Variants in ERC2 observed in about 807,000 individuals in gnomAD.
ERC2 encodes the protein ELKS/RAB6-interacting/CAST family member 2.
ERC2 carries 42 observed loss-of-function variants against 114.8 expected under a neutral mutation model. That is an observed-to-expected ratio of 0.37 (90% CI 0.29 to 0.47). The LOEUF (loss-of-function observed/expected upper bound fraction) is 0.47. ERC2 is among the 20% of genes least tolerant of loss of function. ERC2 has a pLI of 0.99. For synonymous variants in ERC2, 454 were observed against 425.5 expected, an observed-to-expected ratio of 1.07 and a Z score of -0.82; for missense variants, 939 against 1,150.7, an observed-to-expected ratio of 0.82 and a Z score of 2.66.
At chr3:56,026,029 G>A (rs2074022468) in intron 7 of ERC2, among the ~76,000 whole-genome samples, 1 of 146,976 alleles carries the variant, frequency 6.8e-6, no homozygotes, top group African/African-American at 2.5e-5. Flanking sequence ...AGTATTGTAT[G>A]CAGCAAACCC....
At chr3:55,738,669 G>A (rs2065792553) in intron 14 of ERC2, among the ~76,000 whole-genome samples, 1 of 152,064 alleles carries the variant, frequency 6.6e-6, no homozygotes, top group African/African-American at 2.4e-5. Flanking sequence ...TCTACTTTCA[G>A]CCTGCTTTAA....
In ERC2 at chr3:55,669,012, T is replaced by C. The variant is rs548412663; in HGVS notation, c.*39+14782A>G. Among the ~76,000 whole-genome samples, 14 of 152,364 alleles carry C rather than the reference T, an allele frequency of 9.2e-5. No individual in the cohort carries two copies. In the East Asian group the frequency reaches 2.7e-3, roughly 29 times the overall value. ...TTATCCCTCCCAGTGTCTTCTTTCA[T>C]TTCTTTTCAAATAATCTGAATAATT... On this transcript the variant is annotated intron_variant, in intron 17 of 17. Transcript: ENST00000288221.
At chr3:55,958,450 C>T (rs1282717718) in intron 12 of ERC2, among the ~76,000 whole-genome samples, 2 of 152,218 alleles carry the variant, frequency 1.3e-5, no homozygotes, top group East Asian at 1.9e-4. Context: ...CCAGAACAGG[C>T]AGCCCAGCCC....
At chr3:56,096,918 C>G (rs923849932) in intron 6 of ERC2, among the ~76,000 whole-genome samples, 1 of 152,138 alleles carries the variant, frequency 6.6e-6, no homozygotes, top group African/African-American at 2.4e-5. Context: ...AACATGTATC[C>G]TATCCTCAGA....
intron 4 of ERC2, among the ~76,000 whole-genome samples, chr3:56,151,650 G>A (rs1438530862): frequency 6.6e-6 from 1 of 152,044 alleles, no homozygotes; most frequent in Non-Finnish European, 1.5e-5. Context: ...GAATTTAGAG[G>A]GAAGGAATTT....
intron 14 of ERC2, among the ~76,000 whole-genome samples, chr3:55,785,894 G>C (rs911452344): frequency 6.6e-6 from 1 of 152,216 alleles, no homozygotes; most frequent in Non-Finnish European, 1.5e-5. Context: ...AGTGGGTTGT[G>C]TTCCAACTCG....
At chr3:55,540,794 G>T (rs1029981916) in intron 17 of ERC2, among the ~76,000 whole-genome samples, 2 of 152,154 alleles carry the variant, frequency 1.3e-5, no homozygotes, top group African/African-American at 2.4e-5. Context: ...CAAGAGCAAG[G>T]TCAGTTCGGA....
intron 15 of ERC2, among the ~76,000 whole-genome samples, chr3:55,718,136 A>T (rs2064234155): frequency 1.3e-5 from 2 of 152,236 alleles, no homozygotes; most frequent in Non-Finnish European, 2.9e-5. Context: ...CCTTATCACC[A>T]CAGAGAATTT....
chr3:56,304,387 T>A (rs2056087444), intron 2 of ERC2, among the ~76,000 whole-genome samples: 1 of 152,214 alleles, frequency 6.6e-6, no homozygotes, highest in African/African-American at 2.4e-5. Context: ...ATAATCTGAC[T>A]CTAGAAGAAA....
intron 15 of ERC2, among the ~76,000 whole-genome samples, chr3:55,714,234 A>C (rs1438096437): frequency 6.6e-6 from 1 of 152,162 alleles, no homozygotes; most frequent in Admixed American, 6.5e-5. Context: ...GCAGGATTTT[A>C]AGTTGGCATA....
At chr3:56,105,095 G>C (rs1041808827) in intron 6 of ERC2, among the ~76,000 whole-genome samples, 1 of 146,710 alleles carries the variant, frequency 6.8e-6, no homozygotes, top group Non-Finnish European at 1.5e-5. Context: ...AGCCAGCACA[G>C]AAAAAAAAAA....
intron 17 of ERC2, among the ~76,000 whole-genome samples, chr3:55,565,861 C>G (rs908798907): frequency 6.6e-6 from 1 of 152,202 alleles, no homozygotes; most frequent in Non-Finnish European, 1.5e-5. Flanking sequence ...TCTGTCTGCA[C>G]AGGCACATTC....
At chr3:56,231,564 A>G (rs1289889466) in intron 3 of ERC2, among the ~76,000 whole-genome samples, 1 of 152,226 alleles carries the variant, frequency 6.6e-6, no homozygotes, top group Non-Finnish European at 1.5e-5. Flanking sequence ...GAACTCCATG[A>G]CAGTTCATGA....
intron 17 of ERC2, among the ~76,000 whole-genome samples, chr3:55,541,608 T>A (rs1290857982): frequency 6.6e-6 from 1 of 152,162 alleles, no homozygotes; most frequent in Non-Finnish European, 1.5e-5. Context: ...CATGGGAAGG[T>A]TTAACAATTC....
chr3:56,422,945 G>T (rs778319582), intron 2 of ERC2, among the ~76,000 whole-genome samples: 5 of 152,150 alleles, frequency 3.3e-5, no homozygotes, highest in Non-Finnish European at 7.3e-5. Flanking sequence ...AGACATGGAC[G>T]AAAACCACCA....
chr3:55,742,044 T>G (rs1687916210), intron 14 of ERC2, among the ~76,000 whole-genome samples: 1 of 149,398 alleles, frequency 6.7e-6, no homozygotes. Flanking sequence ...GTGTAGGAGG[T>G]AGTCAAGATA....
chr3:56,387,181 A>C (rs1358159427), intron 2 of ERC2, among the ~76,000 whole-genome samples: 1 of 152,226 alleles, frequency 6.6e-6, no homozygotes, highest in Non-Finnish European at 1.5e-5. Context: ...TAGGCATTAG[A>C]GAATGTCACA....
intron 14 of ERC2, among the ~76,000 whole-genome samples, chr3:55,760,056 A>C (rs2067325543): frequency 6.6e-6 from 1 of 152,198 alleles, no homozygotes; most frequent in African/African-American, 2.4e-5. Context: ...GCCAGTGTCA[A>C]GGTTATCACA....
At chr3:55,958,829 G>C (rs2068157052) in intron 12 of ERC2, among the ~76,000 whole-genome samples, 1 of 152,212 alleles carries the variant, frequency 6.6e-6, no homozygotes, top group African/African-American at 2.4e-5. Context: ...AGGCACTTCT[G>C]AGCCTGTGGG....
Sources: gnomAD v4.1 joint callset for allele counts (sites outside exome capture counted in the v4.1 genomes callset) on GRCh38, gnomAD v4.1.1 for gene constraint, MANE v1.5 for transcripts, NCBI Gene and HGNC (gene_info 2026-07-23, HGNC 2026-07-21) for gene names.